Variants in DNAH1 observed in about 807,000 individuals in gnomAD.
The protein encoded by DNAH1 is dynein axonemal heavy chain 1.
A neutral mutation model predicts 484.3 loss-of-function variants in DNAH1; 327 were observed. The observed-to-expected ratio is 0.68, with a 90% CI of 0.62 to 0.74. The LOEUF is 0.74. DNAH1 is among the 30% of genes least tolerant of loss of function. DNAH1 has a pLI of 0.00. For missense variants in DNAH1, 5,052 were observed against 5,546.8 expected (o/e 0.91, Z 2.83); for synonymous variants, 2,192 against 2,191.9 (o/e 1.00, Z 0.00).
In DNAH1 at chr3:52,358,087, T is replaced by G; in HGVS notation, c.4086+84T>G. 1 of 1,079,822 alleles carries G rather than the reference T, an allele frequency of 9.3e-7. No homozygotes were observed. The highest frequency in any genetic ancestry group is 1.3e-6 in the Non-Finnish European group (1 of 760,562). 66.9% of individuals were successfully genotyped at this position (1,079,822 alleles called of 1,614,324 possible). ...CGTCCCTCCCTTTGTGATGAGCCCTTTTAGCAGGAAATGTGGCAAATGACA... is the reference window on the plus strand; with the variant it reads ...CGTCCCTCCCTTTGTGATGAGCCCTGTTAGCAGGAAATGTGGCAAATGACA... On this transcript the variant is annotated intron_variant, in intron 24 of 77. Coordinates refer to ENST00000420323, the MANE Select transcript of DNAH1 (RefSeq NM_015512.5). The surrounding 1 kb of genome is among the most constrained non-coding windows in gnomAD (Gnocchi z 4.2).
At chr3:52,365,215 T>C (rs915389754) in intron 34 of DNAH1, among the ~76,000 whole-genome samples, 196 bp downstream of exon 34, 1 of 152,200 alleles carries the variant, frequency 6.6e-6, no homozygotes, top group African/African-American at 2.4e-5. Context: ...AAAACCCGCC[T>C]GGTGGTGGGG....
chr3:52,320,332 A>G (rs1482908496), intron 1 of DNAH1, among the ~76,000 whole-genome samples: 1 of 152,252 alleles, frequency 6.6e-6, no homozygotes, highest in Non-Finnish European at 1.5e-5. Flanking sequence ...GCTGGCCACC[A>G]GAGACTGGAT....
At position 52,346,676 on chromosome 3, in the gene DNAH1, A is replaced by G. The variant is rs1218756036; in HGVS notation, c.1861A>G (p.Ser621Gly). Reference sequence around the variant, plus strand: ...CTTCCTGGTGCAGGACTCACTTGCCAGCTTCTCACAGTTCATCAGCGACAC... The same window carrying G: ...CTTCCTGGTGCAGGACTCACTTGCCGGCTTCTCACAGTTCATCAGCGACAC... ...LRFLVQDSLA[S>G]FSQFISDTCC... is the part of the protein sequence containing the mutation. Residue 621 changes from serine (S) to glycine (G), a missense_variant, in exon 11 of 78, where the codon AGC (serine) becomes GGC (glycine). This residue lies in a region of DNAH1 where 1,263 missense variants were observed against 1,218.8 expected (regional missense o/e 1.04). Coordinates refer to ENST00000420323, the MANE Select transcript of DNAH1 (RefSeq NM_015512.5). 1 of 1,613,932 alleles carries G rather than the reference A, an allele frequency of 6.2e-7. No individual in the cohort carries two copies. The highest frequency in any genetic ancestry group is 8.5e-7 in the Non-Finnish European group (1 of 1,179,906).
At position 52,389,459 on chromosome 3, in the gene DNAH1, A is replaced by C. The variant is rs1410571002; in HGVS notation, c.9496-2A>C. 6.2e-7 allele frequency: 1 copy of C among 1,611,510 alleles called. No individual in the cohort carries two copies. Among genetic ancestry groups the C allele is most frequent in the Non-Finnish European group, 8.5e-7 (1 of 1,179,032 alleles). Reference sequence around the variant, plus strand: ...GTGGTCCTGAGTCTGGCATCTCCCCAGGGCCAGTACCGCACGGTGCTCTAC... The same window carrying C: ...GTGGTCCTGAGTCTGGCATCTCCCCCGGGCCAGTACCGCACGGTGCTCTAC... On this transcript the variant is annotated splice_acceptor_variant, in intron 59 of 77. Transcript: ENST00000420323. LOFTEE classifies it high-confidence loss of function.
chr3:52,396,639 CTGCTGTCTCTGT>C lies in DNAH1; in HGVS notation c.11453_11464del (p.Leu3818_Cys3822delinsArg). ...CCAGGTGATGGAGTTCAAGTCTCTGCTGCTGTCTCTGTGCTTGTTCCATGGGAACGCCCTGGA... is the reference window on the plus strand; with the variant it reads ...CCAGGTGATGGAGTTCAAGTCTCTGCGCTTGTTCCATGGGAACGCCCTGGA... On this transcript the variant is annotated inframe_deletion, in exon 72 of 78. Transcript: ENST00000420323. The C allele has an allele frequency of 6.2e-7, 1 of 1,613,344 alleles. No individual in the cohort carries two copies. Among genetic ancestry groups the C allele is most frequent in the South Asian group, 1.1e-5 (1 of 91,044 alleles).
Position 52,352,716 on chromosome 3 carries a change from C to T in DNAH1, c.3027+9C>T, listed in dbSNP as rs1478934815. On this transcript the variant is annotated intron_variant, in intron 18 of 77. Transcript: ENST00000420323. ...GCTTGCCCATCACCAATGTAGGCCT[C>T]CTGCAGGCACCCTGCCCCCATGCCC... is the stretch of plus-strand genomic sequence containing the variant. 4 of 1,604,974 alleles carry T rather than the reference C, an allele frequency of 2.5e-6. No homozygotes were observed. Among genetic ancestry groups the T allele is most frequent in the Non-Finnish European group, 2.6e-6 (3 of 1,173,772 alleles).
Position 52,383,552 on chromosome 3 carries a change from C to T in DNAH1, c.8108C>T (p.Thr2703Ile), listed in dbSNP as rs763545067. Reference protein sequence around the residue: ...PTKANLMAAYTGRVRSNIHMV... With the variant: ...PTKANLMAAYIGRVRSNIHMV... ...AAGGCCAACCTCATGGCTGCTTACA[C>T]AGGGCGTGTGCGCAGCAACATCCAC... is the stretch of plus-strand genomic sequence containing the variant. Residue 2703 changes from threonine to isoleucine, a missense_variant, in exon 51 of 78, where the codon ACA (threonine) becomes ATA (isoleucine). Transcript: ENST00000420323. 19 of 1,610,494 alleles carry T rather than the reference C, an allele frequency of 1.2e-5. No homozygotes were observed. Among genetic ancestry groups the T allele is most frequent in the Non-Finnish European group, 1.6e-5 (19 of 1,178,386 alleles).
rs778806662 is a variant in DNAH1 at position 52,326,843 on chromosome 3, C to T, written c.690C>T (p.Thr230=). 1 of 1,613,590 alleles carries T rather than the reference C, an allele frequency of 6.2e-7. No individual in the cohort carries two copies. The highest frequency in any genetic ancestry group is 1.1e-5 in the South Asian group (1 of 91,008). ...PRHLDHQHPQ[T]IEQGHDPIFP... ...ACCTGGACCACCAGCACCCCCAAAC[C>T]ATCGAACAGGGCCATGACCCAATCT... Residue 230 remains threonine, a synonymous_variant, in exon 5 of 78, where the codon ACC becomes ACT. Coordinates refer to ENST00000420323, the MANE Select transcript of DNAH1 (RefSeq NM_015512.5).
rs939833862 is a variant in DNAH1 at position 52,372,024 on chromosome 3, C to T, written c.6604C>T (p.Pro2202Ser). ...CACCAACTACTGCAACATCATTGTG[C>T]CCACCATGGACACCGTGCAGATGTC... Reference protein sequence around the residue: ...PDTNYCNIIVPTMDTVQMSHL... With the variant: ...PDTNYCNIIVSTMDTVQMSHL... Residue 2202 changes from proline (P) to serine (S), a missense_variant, in exon 42 of 78, where the codon CCC becomes TCC. Coordinates refer to ENST00000420323, the MANE Select transcript of DNAH1 (RefSeq NM_015512.5). 1.9e-6 allele frequency: 3 copies of T among 1,613,844 alleles called. No homozygotes were observed. The highest frequency in any genetic ancestry group is 2.5e-6 in the Non-Finnish European group (3 of 1,179,868).
chr3:52,390,986 C>T lies in DNAH1; in HGVS notation c.9673C>T (p.Gln3225Ter). 9.0e-6 allele frequency: 14 copies of T among 1,553,304 alleles called. No homozygotes were observed. Among genetic ancestry groups the T allele is most frequent in the Non-Finnish European group, 1.1e-5 (13 of 1,147,876 alleles). The change falls in exon 61 of 78, where the codon CAG becomes TAG. Residue 3225 changes from glutamine (Q) to a stop codon, truncating the protein, a stop_gained. Transcript: ENST00000420323. LOFTEE classifies it high-confidence loss of function. The stretch of plus-strand genomic sequence containing the variant: ...GTCAGTGGAGAACGGGGTCATCAAC[C>T]AGTTTTCCCAGCGCTGGACCCACTT... ...TLSVENGVINQFSQRWTHFID... is the reference protein window; with the variant it reads ...TLSVENGVIN
In DNAH1 at chr3:52,361,802, T is replaced by G; in HGVS notation, c.4980+36T>G. On this transcript the variant is annotated intron_variant, in intron 30 of 77. Transcript: ENST00000420323. The surrounding 1 kb of genome is among the most constrained non-coding windows in gnomAD (Gnocchi z 5.6). ...GGGACCCACCTTACTCCCTCAGATC[T>G]GCCATACTCACGCCGCCATACTGCT... The G allele has an allele frequency of 6.4e-7, 1 of 1,561,604 alleles. No individual in the cohort carries two copies. The highest frequency in any genetic ancestry group is 1.4e-5 in the African/African-American group (1 of 73,744).
intron 44 of DNAH1, chr3:52,373,671 C>A: frequency 7.2e-7 from 1 of 1,397,158 alleles, no homozygotes; most frequent in Non-Finnish European, 1.0e-6. Context: ...TCCTGCTGAT[C>A]AAAAGAAGTT....
rs1447744871 is a variant in DNAH1, at chr3:52,327,896, G to A, written c.753G>A (p.Glu251=). The change falls in exon 6 of 78, where the codon GAG becomes GAA. Residue 251 remains glutamate, a synonymous_variant. Coordinates refer to ENST00000420323, the MANE Select transcript of DNAH1 (RefSeq NM_015512.5). The part of the protein sequence containing the change: ...IYLPLKVFDN[E]DFDCRTPREW... Reference sequence around the variant, plus strand: ...CTTTCTTCCAGGTATTTGACAATGAGGACTTTGACTGCCGGACTCCCAGAG... The same window carrying A: ...CTTTCTTCCAGGTATTTGACAATGAAGACTTTGACTGCCGGACTCCCAGAG... The A allele has an allele frequency of 1.9e-6, 3 of 1,613,716 alleles. No homozygotes were observed. The highest frequency in any genetic ancestry group is 1.7e-6 in the Non-Finnish European group (2 of 1,179,620).
Position 52,395,749 on chromosome 3 carries a change from A to G in DNAH1, c.11259+71A>G, listed in dbSNP as rs1704594741. 6.5e-7 allele frequency: 1 copy of G among 1,549,612 alleles called. No homozygotes were observed. The highest frequency in any genetic ancestry group is 2.4e-5 in the East Asian group (1 of 41,344). On this transcript the variant is annotated intron_variant, in intron 70 of 77. Transcript: ENST00000420323. This position sits in a 1 kb window ranked among gnomAD's most constrained non-coding sequence, Gnocchi z 4.4. ...TCCATCAGGGACTAATGAGGCAGAA[A>G]TAAGAGAATCATGCCAAGCACTCTG... is the stretch of plus-strand genomic sequence containing the variant.
the DNAH1 span, among the ~76,000 whole-genome samples, chr3:52,310,957 G>A: frequency 6.6e-6 from 1 of 152,208 alleles, no homozygotes; most frequent in Non-Finnish European, 1.5e-5. Context: ...TTGTGGGATT[G>A]ACAATGAGCT....
chr3:52,370,039 T>C lies in DNAH1; in HGVS notation c.6138+20T>C. On this transcript the variant is annotated intron_variant, in intron 38 of 77. Coordinates refer to ENST00000420323, the MANE Select transcript of DNAH1 (RefSeq NM_015512.5). ...CTGGAGGTGAGTGAGGCCACGGGTA[T>C]GTCTGACCCTGGCAGGGCAGCAGGG... 3 of 1,613,086 alleles carry C rather than the reference T, an allele frequency of 1.9e-6. No homozygotes were observed. Among genetic ancestry groups the C allele is most frequent in the Non-Finnish European group, 2.5e-6 (3 of 1,179,196 alleles).
intron 44 of DNAH1, among the ~76,000 whole-genome samples, 181 bp downstream of exon 44, chr3:52,373,234 C>CGGCT (rs1280027826): frequency 2.1e-5 from 3 of 145,318 alleles, no homozygotes; most frequent in African/African-American, 8.5e-5. Flanking sequence ...GCCGCCGCCA[C>CGGCT]GGCTGCCGCA....
rs1702158521 is a variant in DNAH1 at position 52,346,708 on chromosome 3, C to G, written c.1893C>G (p.Cys631Trp). ...CACAGTTCATCAGCGACACCTGTTG[C>G]AGCGTGCTCAACTGCACCGATGACA... The part of the protein sequence containing the change: ...SFSQFISDTC[C>W]SVLNCTDDMV... Residue 631 changes from cysteine (C) to tryptophan (W), a missense_variant, in exon 11 of 78, where the codon TGC (cysteine) becomes TGG (tryptophan). Cys to Trp is a radical substitution (Grantham distance 215). Around this residue, in one of 4 missense-constraint regions of DNAH1, gnomAD observed 1,263 missense variants for 1,218.8 expected, o/e 1.04. Transcript: ENST00000420323. 6.2e-7 allele frequency: 1 copy of G among 1,613,840 alleles called. No homozygotes were observed. Among genetic ancestry groups the G allele is most frequent in the Non-Finnish European group, 8.5e-7 (1 of 1,179,850 alleles).
Position 52,358,722 on chromosome 3 carries a change from C to G in DNAH1, c.4251C>G (p.Ile1417Met), listed in dbSNP as rs1402358892. ...ASVHDIIEKA[I>M]RAYPTMPRTQ... ...TGCACGACATCATTGAGAAGGCCATCAGGGCCTACCCCACGGTGAGCCGCC... is the reference window on the plus strand; with the variant it reads ...TGCACGACATCATTGAGAAGGCCATGAGGGCCTACCCCACGGTGAGCCGCC... Residue 1417 changes from isoleucine (I) to methionine (M), a missense_variant, in exon 25 of 78, where the codon ATC (isoleucine) becomes ATG (methionine). Physicochemically the swap from Ile to Met is conservative, Grantham distance 10 (BLOSUM62 1). Coordinates refer to ENST00000420323, the MANE Select transcript of DNAH1 (RefSeq NM_015512.5). The surrounding 1 kb of genome is among the most constrained non-coding windows in gnomAD (Gnocchi z 4.2). The G allele has an allele frequency of 2.5e-6, 4 of 1,612,686 alleles. No individual in the cohort carries two copies. Among genetic ancestry groups the G allele is most frequent in the Non-Finnish European group, 3.4e-6 (4 of 1,179,712 alleles).
Sources: allele counts gnomAD v4.1 joint callset (sites outside exome capture counted in the v4.1 genomes callset), GRCh38; gene constraint gnomAD v4.1.1; regional missense constraint gnomAD v4.1.1; non-coding constraint Gnocchi (gnomAD v3.1); transcripts MANE v1.5; gene names NCBI Gene and HGNC (gene_info 2026-07-23, HGNC 2026-07-21).